DOCK8: variants seen among roughly 807,000 people sequenced by gnomAD.
DOCK8 encodes the protein dedicator of cytokinesis 8.
Under a neutral mutation model 245.6 loss-of-function variants are expected in DOCK8, and 141 were observed. The ratio of observed to expected loss-of-function variants is 0.57; its 90% CI spans 0.50 to 0.66. The LOEUF (loss-of-function observed/expected upper bound fraction) is 0.66. DOCK8 is among the 30% of genes least tolerant of loss of function. The pLI is 0.00. For missense variants in DOCK8, 2,965 were observed against 2,603.4 expected (o/e 1.14, Z -3.02); for synonymous variants, 1,168 against 970.2 (o/e 1.20, Z -3.79).
At chr9:388,877 G>C (rs1425608911) in intron 23 of DOCK8, among the ~76,000 whole-genome samples, 2 of 152,082 alleles carry the variant, frequency 1.3e-5, no homozygotes, top group East Asian at 3.9e-4. Context: ...TTAAACGACT[G>C]TCAAGAGCAA....
intron 3 of DOCK8, among the ~76,000 whole-genome samples, chr9:287,645 AC>A (rs1480858686): frequency 1.3e-5 from 2 of 152,216 alleles, no homozygotes; most frequent in Non-Finnish European, 2.9e-5. Context: ...ACATAGGAGA[AC>A]TGACCATATG....
intron 19 of DOCK8, 130 bp from the exon 20 acceptor site, chr9:376,847 C>T (rs1029510661): frequency 1.2e-6 from 1 of 824,650 alleles, no homozygotes; most frequent in African/African-American, 1.7e-5. Context: ...AACATCATGT[C>T]TTAGACCTTC....
At chr9:460,177 A>C (rs1050046548) in intron 46 of DOCK8, 1 of 152,202 alleles carries the variant, frequency 6.6e-6, no homozygotes, top group African/African-American at 2.4e-5. Flanking sequence ...TTTTATGGTT[A>C]AGTCATCCTG....
At chr9:401,889 A>G (rs907493198) in intron 26 of DOCK8, among the ~76,000 whole-genome samples, 4 of 152,192 alleles carry the variant, frequency 2.6e-5, no homozygotes, top group African/African-American at 9.7e-5. Context: ...AGGAAACATC[A>G]GAAGTCCCCA....
intron 1 of DOCK8, among the ~76,000 whole-genome samples, chr9:243,447 C>T (rs2047425204): frequency 6.6e-6 from 1 of 152,146 alleles, no homozygotes; most frequent in Non-Finnish European, 1.5e-5. Flanking sequence ...TCTGTCTCTC[C>T]TCTGCTACCA....
chr9:427,043 C>A, intron 34 of DOCK8, 62 bp downstream of exon 34: 2 of 1,382,530 alleles, frequency 1.4e-6, no homozygotes, highest in Non-Finnish European at 2.0e-6. Context: ...AGAATAAGGA[C>A]TTCTTTATGC....
At chr9:308,219 C>T (rs960647282) in intron 5 of DOCK8, among the ~76,000 whole-genome samples, 1 of 152,166 alleles carries the variant, frequency 6.6e-6, no homozygotes, top group African/African-American at 2.4e-5. Flanking sequence ...ATGTTCCCAA[C>T]ACAAAGAAAT....
At chr9:369,276 A>G (rs2053173270) in intron 15 of DOCK8, 1 of 152,206 alleles carries the variant, frequency 6.6e-6, no homozygotes, top group African/African-American at 2.4e-5. Flanking sequence ...GGCCCCTGGC[A>G]TGCCACTGCC....
intron 4 of DOCK8, among the ~76,000 whole-genome samples, chr9:297,171 G>A (rs2049292425): frequency 6.6e-6 from 1 of 152,154 alleles, no homozygotes; most frequent in Admixed American, 6.5e-5. Flanking sequence ...AAGAAGATGA[G>A]GAACACGTAT....
In DOCK8 at chr9:446,518, A is replaced by G. The variant is rs1457365157; in HGVS notation, c.5729A>G (p.His1910Arg). The G allele has an allele frequency of 7.4e-6, 12 of 1,614,110 alleles. No homozygotes were observed. The highest frequency in any genetic ancestry group is 2.7e-5 in the African/African-American group (2 of 74,942). Residue 1910 changes from histidine (H) to arginine (R), a missense_variant, in exon 44 of 48, where the codon CAT becomes CGT. Coordinates refer to ENST00000432829, the MANE Select transcript of DOCK8 (RefSeq NM_203447.4). ...GAGGGGCGGCCTCGGGGAGAGCTGC[A>G]TGAGCAGTACAGAAGGAACACAGTC... ...TLEGRPRGEL[H>R]EQYRRNTVLT...
At chr9:444,937 A>G (rs1233742353) in intron 43 of DOCK8, among the ~76,000 whole-genome samples, 2 of 152,210 alleles carry the variant, frequency 1.3e-5, no homozygotes, top group East Asian at 1.9e-4. Context: ...AGGACCATTC[A>G]CCATCTAGCA....
intron 1 of DOCK8, among the ~76,000 whole-genome samples, chr9:262,943 C>A (rs785844): frequency 0.49 from 74,389 of 151,448 alleles, 18,857 homozygotes; most frequent in East Asian, 0.78. Flanking sequence ...ACGGTGGCTC[C>A]CGCCTGTAAT....
intron 4 of DOCK8, among the ~76,000 whole-genome samples, chr9:293,106 CCTT>C (rs1306452916): frequency 4.6e-5 from 7 of 152,176 alleles, no homozygotes; most frequent in Admixed American, 3.9e-4. Flanking sequence ...GGAGCAGTTC[CCTT>C]CTTAACGGTC....
chr9:238,140 C>T (rs1158817046), intron 1 of DOCK8, among the ~76,000 whole-genome samples: 1 of 152,134 alleles, frequency 6.6e-6, no homozygotes, highest in Non-Finnish European at 1.5e-5. Context: ...TTCATGTTGG[C>T]AGTTGTTTTA....
chr9:405,933 C>A (rs989225094), intron 27 of DOCK8, among the ~76,000 whole-genome samples: 1 of 152,078 alleles, frequency 6.6e-6, no homozygotes, highest in Admixed American at 6.6e-5. Context: ...CCTAAAACTT[C>A]CCTGGACTAA....
intron 9 of DOCK8, among the ~76,000 whole-genome samples, chr9:330,239 GA>G: frequency 6.6e-6 from 1 of 152,284 alleles, no homozygotes; most frequent in South Asian, 2.1e-4. Context: ...ATCAAGGAAA[GA>G]AGAGTGAAAA....
intron 14 of DOCK8, among the ~76,000 whole-genome samples, chr9:359,893 G>C (rs1398007397): frequency 6.6e-6 from 1 of 151,618 alleles, no homozygotes; most frequent in Non-Finnish European, 1.5e-5. Context: ...AAAATTGTTT[G>C]GCTGAAAGAG....
intron 14 of DOCK8, among the ~76,000 whole-genome samples, chr9:366,951 A>C (rs1412792797): frequency 6.6e-6 from 1 of 152,168 alleles, no homozygotes; most frequent in Non-Finnish European, 1.5e-5. Flanking sequence ...GAGAGAATAC[A>C]GTGGTTATGA....
intron 15 of DOCK8, 134 bp from the exon 16 acceptor site, chr9:370,096 C>T: frequency 1.3e-6 from 1 of 790,216 alleles, no homozygotes; most frequent in South Asian, 1.4e-5. Context: ...AGCCACTGCT[C>T]CTGGCCAACC....
Sources: gnomAD v4.1 joint callset for allele counts (sites outside exome capture counted in the v4.1 genomes callset) on GRCh38, gnomAD v4.1.1 for gene constraint, MANE v1.5 for transcripts, NCBI Gene and HGNC (gene_info 2026-07-23, HGNC 2026-07-21) for gene names.